Variants in ADGRL4 observed in about 807,000 individuals in gnomAD.
ADGRL4 encodes the protein EGF, latrophilin and seven transmembrane domain containing 1.
In ADGRL4, 90 loss-of-function variants were observed where a neutral mutation model predicts 74.8. The observed-to-expected ratio is 1.20, with a 90% confidence interval of 1.02 to 1.43. The LOEUF is 1.43. ADGRL4 is among the 40% of genes most tolerant of loss of function. The probability of loss-of-function intolerance (pLI) is 0.00; values close to 1 mark genes in which losing one functional copy is unlikely to be tolerated. For missense variants in ADGRL4, 881 were observed against 814.3 expected (o/e 1.08, Z -1.00); for synonymous variants, 311 against 279.2 (o/e 1.11, Z -1.14).
intron 3 of ADGRL4, among the ~76,000 whole-genome samples, chr1:78,940,337 G>A (rs930434037): frequency 1.3e-5 from 2 of 151,874 alleles, no homozygotes; most frequent in Non-Finnish European, 2.9e-5. Flanking sequence ...TTTGTTCAAG[G>A]TTATATTTTA....
chr1:78,983,550 G>C (rs191024361), intron 2 of ADGRL4, among the ~76,000 whole-genome samples: 7 of 151,604 alleles, frequency 4.6e-5, no homozygotes, highest in Admixed American at 2.0e-4. Flanking sequence ...ATACTAACAC[G>C]TAAGACACAT....
At chr1:78,910,065 T>TA (rs779040671) in intron 12 of ADGRL4, among the ~76,000 whole-genome samples, 76 of 151,926 alleles carry the variant, frequency 5.0e-4, no homozygotes, top group Non-Finnish European at 9.1e-4. Context: ...AGCAGAGGTC[T>TA]AAAAGGATAC....
intron 12 of ADGRL4, among the ~76,000 whole-genome samples, chr1:78,915,716 C>CTCTTTGACTTTA (rs1553133976): frequency 6.6e-6 from 1 of 151,780 alleles, no homozygotes; most frequent in Non-Finnish European, 1.5e-5. Context: ...TGTTCAATAT[C>CTCTTTGACTTTA]TCTTTGACTT....
chr1:78,986,836 C>T (rs1650508338), intron 2 of ADGRL4, among the ~76,000 whole-genome samples: 2 of 151,462 alleles, frequency 1.3e-5, no homozygotes, highest in African/African-American at 4.8e-5. Context: ...GTTAAAACCT[C>T]AAAATGATCA....
At chr1:78,955,682 AT>A (rs967572112) in intron 2 of ADGRL4, among the ~76,000 whole-genome samples, 1 of 151,912 alleles carries the variant, frequency 6.6e-6, no homozygotes, top group Admixed American at 6.6e-5. Flanking sequence ...GTAATCATTC[AT>A]TTTTTTCCTG....
At chr1:78,946,560 C>T (rs912900889) in intron 2 of ADGRL4, 134 bp from the exon 3 acceptor site, 2 of 662,118 alleles carry the variant, frequency 3.0e-6, no homozygotes, top group South Asian at 5.0e-5. Flanking sequence ...AACCTTAGTG[C>T]TAAAGAATCC....
chr1:78,959,563 C>T (rs1649903472), intron 2 of ADGRL4, among the ~76,000 whole-genome samples: 1 of 152,128 alleles, frequency 6.6e-6, no homozygotes, highest in Admixed American at 6.6e-5. Flanking sequence ...GTGTGTTTAC[C>T]TCCTAGGCAA....
chr1:78,963,820 A>C (rs867117921), intron 2 of ADGRL4, among the ~76,000 whole-genome samples: 6 of 152,220 alleles, frequency 3.9e-5, no homozygotes, highest in African/African-American at 1.4e-4. Flanking sequence ...AAACCTATGG[A>C]AATTTCTTCA....
Position 78,917,977 on chromosome 1 carries a change from C to A in ADGRL4, c.1535G>T (p.Gly512Val). Residue 512 changes from glycine to valine, a missense_variant, in exon 11 of 15, where the codon GGC (glycine) becomes GTC (valine). Coordinates refer to ENST00000370742, the MANE Select transcript of ADGRL4 (RefSeq NM_022159.4). The stretch of plus-strand genomic sequence containing the variant: ...CACAACAATGAGATAGAGATGTATG[C>A]CTTCAATGCACATCCATGCAAAAGC... ...LAAFAWMCIE[G>V]IHLYLIVVGV... 1.2e-6 allele frequency: 2 copies of A among 1,612,370 alleles called. No individual in the cohort carries two copies. The highest frequency in any genetic ancestry group is 1.7e-6 in the Non-Finnish European group (2 of 1,179,052).
chr1:78,951,923 T>C (rs1047824040), intron 2 of ADGRL4, among the ~76,000 whole-genome samples: 2 of 152,294 alleles, frequency 1.3e-5, no homozygotes, highest in African/African-American at 2.4e-5. Context: ...CCCCTAGTAA[T>C]GAAACATTTT....
At chr1:78,963,355 T>A (rs1649992042) in intron 2 of ADGRL4, among the ~76,000 whole-genome samples, 1 of 152,190 alleles carries the variant, frequency 6.6e-6, no homozygotes, top group Admixed American at 6.5e-5. Flanking sequence ...CTTTGATACC[T>A]GTCTGCTTTG....
intron 9 of ADGRL4, 58 bp downstream of exon 9, chr1:78,921,555 T>C (rs1649000400): frequency 9.3e-7 from 1 of 1,080,418 alleles, no homozygotes; most frequent in African/African-American, 1.6e-5. Flanking sequence ...TCTCGAATGA[T>C]GCGGAAAAAA....
intron 3 of ADGRL4, among the ~76,000 whole-genome samples, chr1:78,941,350 A>G (rs916927425): frequency 8.5e-5 from 13 of 152,214 alleles, no homozygotes; most frequent in East Asian, 1.9e-4. Context: ...TTAGAGCAGA[A>G]CTGCTGAAGT....
rs1316373501 is a variant in ADGRL4 at position 78,920,330 on chromosome 1, T to C, written c.1314A>G (p.Ser438=). The change falls in exon 10 of 15, where the codon TCA becomes TCG. Residue 438 remains serine, a synonymous_variant. Transcript: ENST00000370742. ...TRITQLGIII[S]LICLAICIFT... ...AAATGCATATGGCAAGACAAATCAG[T>C]GAAATAATTATTCCTAGTTGAGTGA... The C allele has an allele frequency of 1.2e-6, 2 of 1,608,858 alleles. No homozygotes were observed. Among genetic ancestry groups the C allele is most frequent in the Non-Finnish European group, 1.7e-6 (2 of 1,176,080 alleles).
intron 12 of ADGRL4, among the ~76,000 whole-genome samples, chr1:78,912,201 A>C (rs1648776450): frequency 6.6e-6 from 1 of 151,908 alleles, no homozygotes; most frequent in South Asian, 2.1e-4. Context: ...TGCGGTAAAT[A>C]AATCAAGAAA....
At chr1:78,947,400 G>A (rs1473030652) in intron 2 of ADGRL4, among the ~76,000 whole-genome samples, 1 of 152,184 alleles carries the variant, frequency 6.6e-6, no homozygotes, top group Non-Finnish European at 1.5e-5. Flanking sequence ...GAGACTGAAA[G>A]ATGTAACTGC....
In ADGRL4 at chr1:78,919,110, T is replaced by C. The variant is rs74809691; in HGVS notation, c.1462-1060A>G. Among the ~76,000 whole-genome samples, 289 of 152,084 alleles carry C rather than the reference T, an allele frequency of 1.9e-3. 2 individuals are homozygous for C. Among genetic ancestry groups the C allele is most frequent in the East Asian group, 3.3e-3 (17 of 5,134 alleles). On this transcript the variant is annotated intron_variant, in intron 10 of 14. Coordinates refer to ENST00000370742, the MANE Select transcript of ADGRL4 (RefSeq NM_022159.4). Reference sequence around the variant, plus strand: ...TAGATAAGGAGTTCACAGTCTAGTGTATACTATTTAAAATAAACACTTCTT... The same window carrying C: ...TAGATAAGGAGTTCACAGTCTAGTGCATACTATTTAAAATAAACACTTCTT...
intron 12 of ADGRL4, among the ~76,000 whole-genome samples, chr1:78,910,757 T>C (rs1648745724): frequency 6.6e-6 from 1 of 151,836 alleles, no homozygotes; most frequent in Admixed American, 6.6e-5. Flanking sequence ...CATCTCTTTT[T>C]TGTACAGCTC....
At chr1:78,986,186 CAAT>C (rs1650491181) in intron 2 of ADGRL4, among the ~76,000 whole-genome samples, 2 of 151,492 alleles carry the variant, frequency 1.3e-5, no homozygotes, top group African/African-American at 4.8e-5. Context: ...AGGTTAAAAA[CAAT>C]AATAATAACA....
Sources: allele counts gnomAD v4.1 joint callset (sites outside exome capture counted in the v4.1 genomes callset), GRCh38; gene constraint gnomAD v4.1.1; transcripts MANE v1.5; gene names NCBI Gene and HGNC (gene_info 2026-07-23, HGNC 2026-07-21).